Variants in FGF2 observed in about 807,000 individuals in gnomAD.
The protein encoded by FGF2 is basic fibroblast growth factor bFGF.
FGF2 carries 13 observed loss-of-function variants against 15.9 expected under a neutral mutation model. That is an observed-to-expected ratio of 0.82 (90% CI 0.53 to 1.30). FGF2 has a LOEUF of 1.30. Among genes scored for constraint, FGF2 ranks in the 50% most tolerant of loss-of-function variants. The probability of loss-of-function intolerance (pLI) is 0.00; values close to 1 mark genes in which losing one functional copy is unlikely to be tolerated. For synonymous variants in FGF2, 90 were observed against 78.4 expected (o/e 1.15, Z -0.78); for missense variants, 163 against 196.9 (o/e 0.83, Z 1.03).
intron 1 of FGF2, among the ~76,000 whole-genome samples, chr4:122,869,163 G>T (rs557446025): frequency 6.6e-6 from 1 of 151,762 alleles, no homozygotes; most frequent in East Asian, 1.9e-4. Context: ...AATTGCTTTT[G>T]TTGAGGTCTC....
chr4:122,856,386 A>G (rs1726341538), intron 1 of FGF2, among the ~76,000 whole-genome samples: 1 of 152,202 alleles, frequency 6.6e-6, no homozygotes, highest in Non-Finnish European at 1.5e-5. Flanking sequence ...AAAAAATCTA[A>G]ATACAGTGGA....
intron 2 of FGF2, among the ~76,000 whole-genome samples, chr4:122,879,120 CAT>C (rs1181859726): frequency 1.3e-5 from 2 of 152,294 alleles, no homozygotes; most frequent in African/African-American, 4.8e-5. Context: ...CAGCTCAAAA[CAT>C]TAACTACTTG....
intron 1 of FGF2, among the ~76,000 whole-genome samples, chr4:122,841,055 T>C (rs1725974183): frequency 6.6e-6 from 1 of 152,198 alleles, no homozygotes; most frequent in African/African-American, 2.4e-5. Flanking sequence ...AGTCATAATA[T>C]ATACATAGCC....
intron 2 of FGF2, among the ~76,000 whole-genome samples, chr4:122,889,660 T>A (rs185518947): frequency 1.3e-3 from 196 of 152,284 alleles, no homozygotes; most frequent in African/African-American, 4.1e-3. Context: ...TGCTGAACAT[T>A]CAGCACAGAT....
At chr4:122,841,331 C>A (rs1336565343) in intron 1 of FGF2, among the ~76,000 whole-genome samples, 3 of 152,198 alleles carry the variant, frequency 2.0e-5, no homozygotes, top group Non-Finnish European at 4.4e-5. Flanking sequence ...AATGTGCTGA[C>A]CCCTGGCTTA....
At chr4:122,830,407 G>A (rs1358284218) in intron 1 of FGF2, among the ~76,000 whole-genome samples, 1 of 134,862 alleles carries the variant, frequency 7.4e-6, no homozygotes, top group African/African-American at 2.9e-5. Flanking sequence ...ATTTTTCAGT[G>A]TTGCTGAAGG....
chr4:122,864,600 G>A (rs1339365834), intron 1 of FGF2, among the ~76,000 whole-genome samples: 1 of 152,102 alleles, frequency 6.6e-6, no homozygotes. Flanking sequence ...TGGGTGATAC[G>A]TCTCCAAACT....
chr4:122,891,618 G>A (rs1226417301), intron 2 of FGF2, among the ~76,000 whole-genome samples: 4 of 152,004 alleles, frequency 2.6e-5, no homozygotes, highest in Non-Finnish European at 5.9e-5. Flanking sequence ...GCTATTTTCT[G>A]TACAATAAAC....
intron 2 of FGF2, chr4:122,882,421 A>T (rs1468193684): frequency 6.6e-6 from 1 of 152,218 alleles, no homozygotes; most frequent in Non-Finnish European, 1.5e-5. Context: ...TCTCTTGGCA[A>T]ATAGGTATTA....
chr4:122,863,532 G>A (rs557122837), intron 1 of FGF2, among the ~76,000 whole-genome samples: 4 of 152,092 alleles, frequency 2.6e-5, no homozygotes, highest in African/African-American at 9.6e-5. Flanking sequence ...TCTCTCCCTT[G>A]CCAATACCTT....
chr4:122,858,650 G>A (rs1726389234), intron 1 of FGF2, among the ~76,000 whole-genome samples: 1 of 152,124 alleles, frequency 6.6e-6, no homozygotes, highest in Admixed American at 6.6e-5. Context: ...TGCCTGCCTT[G>A]TCCTCCCAAA....
rs1264688309 is a variant in FGF2 at position 122,893,516 on chromosome 4, C to CT, written c.*1125dup. On this transcript the variant is annotated 3_prime_UTR_variant, in exon 3 of 3. Transcript: ENST00000644866. Reference sequence around the variant, plus strand: ...CAGCTCTTTTTAACTTCTTGCTGCTCTTTTTCCCAAAAGGTAAAAATATAG... The same window carrying CT: ...CAGCTCTTTTTAACTTCTTGCTGCTCTTTTTTCCCAAAAGGTAAAAATATAG... 1 of 271,984 alleles carries CT rather than the reference C, an allele frequency of 3.7e-6. No homozygotes were observed. The highest frequency in any genetic ancestry group is 6.8e-5 in the East Asian group (1 of 14,742). The allele number at this position is 271,984 out of a possible 1,614,324, so 16.8% of individuals were successfully genotyped here. A position where few individuals can be genotyped will look rare whatever the true frequency, so the allele number is the denominator to read the frequency against.
In FGF2 at chr4:122,894,159, A is replaced by G. The variant is rs778746823; in HGVS notation, c.*1763A>G. 1.2e-4 allele frequency: 19 copies of G among 152,212 alleles called. No homozygotes were observed. Among genetic ancestry groups the G allele is most frequent in the African/African-American group, 3.1e-4 (13 of 41,452 alleles). 9.4% of individuals were successfully genotyped at this position (152,212 alleles called of 1,614,324 possible). A position where few individuals can be genotyped will look rare whatever the true frequency, so the allele number is the denominator to read the frequency against. ...CTCTTGTTTTTTCCCTCTAATAGCT[A>G]TGGAAAGATGCATAGAAAGAGTATA... On this transcript the variant is annotated 3_prime_UTR_variant, in exon 3 of 3. Transcript: ENST00000644866.
At chr4:122,833,135 C>T (rs369938022) in intron 1 of FGF2, among the ~76,000 whole-genome samples, 1 of 151,870 alleles carries the variant, frequency 6.6e-6, no homozygotes, top group Admixed American at 6.6e-5. Flanking sequence ...TTGACTTGAC[C>T]GGTGTATCTT....
chr4:122,837,104 GT>G (rs1725881452), intron 1 of FGF2, among the ~76,000 whole-genome samples: 1 of 152,166 alleles, frequency 6.6e-6, no homozygotes, highest in African/African-American at 2.4e-5. Context: ...ATTTTGGGCT[GT>G]GATGAAATGG....
At chr4:122,860,447 C>T (rs1461406226) in intron 1 of FGF2, among the ~76,000 whole-genome samples, 12 of 90,924 alleles carry the variant, frequency 1.3e-4, no homozygotes, top group South Asian at 9.8e-4. Flanking sequence ...CTAAGGTTAA[C>T]TTTTTTTTTT....
chr4:122,877,585 A>G (rs1364457865), intron 2 of FGF2, among the ~76,000 whole-genome samples: 3 of 152,224 alleles, frequency 2.0e-5, no homozygotes, highest in Non-Finnish European at 4.4e-5. Context: ...CAGGAAAATA[A>G]ATATAAAAGA....
At chr4:122,866,064 G>A (rs1726571343) in intron 1 of FGF2, among the ~76,000 whole-genome samples, 1 of 152,082 alleles carries the variant, frequency 6.6e-6, no homozygotes, top group African/African-American at 2.4e-5. Context: ...TGCTTCAAAG[G>A]ACAACATCAA....
rs1157848949 is a variant in FGF2, at chr4:122,894,039, AAAG to A, written c.*1648_*1650del. The A allele has an allele frequency of 6.6e-6, 1 of 152,224 alleles. No individual in the cohort carries two copies. Among genetic ancestry groups the A allele is most frequent in the African/African-American group, 2.4e-5 (1 of 41,458 alleles). 9.4% of individuals were successfully genotyped at this position (152,224 alleles called of 1,614,324 possible). On this transcript the variant is annotated 3_prime_UTR_variant, in exon 3 of 3. Coordinates refer to ENST00000644866, the MANE Select transcript of FGF2 (RefSeq NM_001361665.2). ...GTAATTCTACTGGTGAAAAACATGC[AAAG>A]AAGAGGAAGTCACAGAAACATGTCT... is the stretch of plus-strand genomic sequence containing the variant.
Sources: gnomAD v4.1 joint callset for allele counts (sites outside exome capture counted in the v4.1 genomes callset) on GRCh38, gnomAD v4.1.1 for gene constraint, MANE v1.5 for transcripts, NCBI Gene and HGNC (gene_info 2026-07-23, HGNC 2026-07-21) for gene names.